The following TBC1D32 variants were observed in gnomAD, a reference collection of about 807,000 sequenced individuals.
TBC1D32 encodes protein broad-minded.
Under a neutral mutation model 170.3 loss-of-function variants are expected in TBC1D32, and 151 were observed. The ratio of observed to expected loss-of-function variants is 0.89; its 90% CI spans 0.78 to 1.01. The LOEUF is 1.01. Among genes scored for constraint, TBC1D32 ranks in the 50% least tolerant of loss-of-function variants. The pLI, the probability that TBC1D32 is intolerant of heterozygous loss-of-function variation, is 0.00. For synonymous variants in TBC1D32, 498 were observed against 488.0 expected, an observed-to-expected ratio of 1.02 and a Z score of -0.27; for missense variants, 1,464 against 1,457.1, an observed-to-expected ratio of 1.00 and a Z score of -0.08.
At chr6:121,238,207 A>G (rs1409086155) in intron 20 of TBC1D32, among the ~76,000 whole-genome samples, 1 of 152,120 alleles carries the variant, frequency 6.6e-6, no homozygotes, top group Non-Finnish European at 1.5e-5. Context: ...TGGTGCTTCA[A>G]GCATTTTAGA....
intron 24 of TBC1D32, among the ~76,000 whole-genome samples, chr6:121,153,229 A>C (rs1262662977): frequency 6.6e-6 from 1 of 151,952 alleles, no homozygotes; most frequent in Non-Finnish European, 1.5e-5. Flanking sequence ...TCTGTTTGTT[A>C]GTTTTCCTTC....
At chr6:121,155,499 T>C (rs570173075) in intron 24 of TBC1D32, among the ~76,000 whole-genome samples, 1 of 152,270 alleles carries the variant, frequency 6.6e-6, no homozygotes, top group South Asian at 2.1e-4. Flanking sequence ...TTTCTTTCTC[T>C]TGCCTAATTG....
At chr6:121,094,759 T>C (rs1299272746) in intron 30 of TBC1D32, among the ~76,000 whole-genome samples, 2 of 152,148 alleles carry the variant, frequency 1.3e-5, no homozygotes, top group Non-Finnish European at 2.9e-5. Context: ...TATTCCATTG[T>C]AGATAAACCA....
intron 22 of TBC1D32, among the ~76,000 whole-genome samples, chr6:121,203,315 G>A (rs1415102969): frequency 1.3e-5 from 2 of 151,296 alleles, no homozygotes; most frequent in African/African-American, 2.5e-5. Context: ...CTACATTTGT[G>A]TAAGAAAAAC....
Position 121,080,563 on chromosome 6 carries a change from T to C in TBC1D32, c.*208A>G, listed in dbSNP as rs966320206. ...AGAACTAAAAGTAAGCTAGATCTGATTCTATAATAACCTTACAAAACAACA... is the reference window on the plus strand; with the variant it reads ...AGAACTAAAAGTAAGCTAGATCTGACTCTATAATAACCTTACAAAACAACA... On this transcript the variant is annotated 3_prime_UTR_variant, in exon 32 of 32. Coordinates refer to ENST00000398212, the MANE Select transcript of TBC1D32 (RefSeq NM_152730.6). 3.5e-6 allele frequency: 2 copies of C among 577,264 alleles called. No individual in the cohort carries two copies. Among genetic ancestry groups the C allele is most frequent in the Non-Finnish European group, 5.5e-6 (2 of 364,832 alleles). The allele number at this position is 577,264 out of a possible 1,614,324, so 35.8% of individuals were successfully genotyped here.
chr6:121,145,120 C>G (rs900596678), intron 24 of TBC1D32, among the ~76,000 whole-genome samples: 2 of 152,014 alleles, frequency 1.3e-5, no homozygotes, highest in Admixed American at 6.6e-5. Flanking sequence ...TCAAGGAATT[C>G]TGAAGTAAAA....
At chr6:121,126,188 TCA>T (rs762542093) in intron 26 of TBC1D32, among the ~76,000 whole-genome samples, 188 bp downstream of exon 26, 4 of 151,982 alleles carry the variant, frequency 2.6e-5, no homozygotes, top group Admixed American at 6.6e-5. Context: ...CAAGAAAGAA[TCA>T]CAGAGTTACA....
At chr6:121,262,106 C>T (rs1249573984) in intron 15 of TBC1D32, among the ~76,000 whole-genome samples, 1 of 152,126 alleles carries the variant, frequency 6.6e-6, no homozygotes, top group Non-Finnish European at 1.5e-5. Flanking sequence ...TGTACAAAAC[C>T]TACAAGAATT....
chr6:121,205,093 G>T lies in TBC1D32; in HGVS notation c.2552C>A (p.Ser851Ter). The T allele has an allele frequency of 6.6e-7, 1 of 1,519,462 alleles. No homozygotes were observed. Among genetic ancestry groups the T allele is most frequent in the South Asian group, 1.2e-5 (1 of 80,654 alleles). The allele number at this position is 1,519,462 out of a possible 1,614,324, so 94.1% of individuals were successfully genotyped here. The change falls in exon 22 of 32, where the codon TCA (serine) becomes TAA (stop). Residue 851 changes from serine (S) to a stop codon, truncating the protein, a stop_gained. Transcript: ENST00000398212. LOFTEE classifies it high-confidence loss of function. ...KIRSLFNYEQ[S>*]HIFGLRDFII... is the part of the protein sequence containing the mutation. ...ATTTTACCTTAGACCAAAGATATGTGATTGTTCATAGTTGAATAAAGAACG... is the reference window on the plus strand; with the variant it reads ...ATTTTACCTTAGACCAAAGATATGTTATTGTTCATAGTTGAATAAAGAACG...
Position 121,080,905 on chromosome 6 carries a change from A to G in TBC1D32, c.3655-15T>C. The G allele has an allele frequency of 6.2e-7, 1 of 1,604,724 alleles. No homozygotes were observed. The highest frequency in any genetic ancestry group is 8.5e-7 in the Non-Finnish European group (1 of 1,177,382). ...AGTGCTTCTTCCTGCCAAAAATTAC[A>G]AAGGGAAAATTATTTACTTGAGTAA... On this transcript the variant is annotated splice_polypyrimidine_tract_variant and intron_variant, in intron 31 of 31. Transcript: ENST00000398212.
At chr6:121,160,168 A>T (rs1249682084) in intron 23 of TBC1D32, 65 bp from the exon 24 acceptor site, 1 of 1,064,100 alleles carries the variant, frequency 9.4e-7, no homozygotes, top group African/African-American at 1.6e-5. Flanking sequence ...TTTTAAAGCT[A>T]TCTGAAATAT....
intron 14 of TBC1D32, among the ~76,000 whole-genome samples, chr6:121,280,460 T>C (rs1345340366): frequency 6.6e-6 from 1 of 151,780 alleles, no homozygotes; most frequent in African/African-American, 2.4e-5. Context: ...AGAGGGCTAC[T>C]GTCAAGAATA....
chr6:121,230,656 T>TATAC (rs386408444), intron 20 of TBC1D32, among the ~76,000 whole-genome samples: 9 of 151,176 alleles, frequency 6.0e-5, no homozygotes, highest in African/African-American at 2.2e-4. Context: ...TATATATATA[T>TATAC]ACATATATAC....
At chr6:121,172,120 A>G (rs151242824) in intron 22 of TBC1D32, among the ~76,000 whole-genome samples, 2 of 152,092 alleles carry the variant, frequency 1.3e-5, no homozygotes, top group Non-Finnish European at 2.9e-5. Flanking sequence ...TTCTCTCTTG[A>G]ATGCCACCAC....
At chr6:121,181,056 T>C (rs1788441342) in intron 22 of TBC1D32, among the ~76,000 whole-genome samples, 2 of 151,994 alleles carry the variant, frequency 1.3e-5, no homozygotes, top group African/African-American at 4.8e-5. Context: ...TTCACTTCAG[T>C]TGGAATGGCT....
Position 121,242,693 on chromosome 6 carries a change from T to A in TBC1D32, c.2019-354A>T, listed in dbSNP as rs537626747. 5.3e-5 allele frequency among the ~76,000 whole-genome samples: 8 copies of A among 152,226 alleles called. 1 individual carries two copies. The highest frequency in any genetic ancestry group is 1.9e-4 in the African/African-American group (8 of 41,574). ...GAATTCTCCAAACCTCAACACCCCA[T>A]TATTTCTGTACTTTCTTTTCATTAT... On this transcript the variant is annotated intron_variant, in intron 17 of 31. Transcript: ENST00000398212.
At chr6:121,188,613 T>C (rs1021303684) in intron 22 of TBC1D32, among the ~76,000 whole-genome samples, 2 of 152,044 alleles carry the variant, frequency 1.3e-5, no homozygotes, top group Non-Finnish European at 2.9e-5. Flanking sequence ...AACCTGGAGA[T>C]GAATCCTCCC....
intron 22 of TBC1D32, among the ~76,000 whole-genome samples, chr6:121,195,214 G>C (rs899522689): frequency 1.1e-4 from 16 of 152,320 alleles, no homozygotes; most frequent in African/African-American, 3.6e-4. Flanking sequence ...CCAGGCTGCT[G>C]TGCAAGCTGC....
chr6:121,237,997 G>A lies in TBC1D32; in HGVS notation c.2364+1073C>T, dbSNP rs139584586. Reference sequence around the variant, plus strand: ...AAAAATAAATTTAGCAGTTACATTGGCCAGATTCAAACTGAACTCTCTAAC... The same window carrying A: ...AAAAATAAATTTAGCAGTTACATTGACCAGATTCAAACTGAACTCTCTAAC... On this transcript the variant is annotated intron_variant, in intron 20 of 31. Coordinates refer to ENST00000398212, the MANE Select transcript of TBC1D32 (RefSeq NM_152730.6). 9.1e-4 allele frequency among the ~76,000 whole-genome samples: 138 copies of A among 152,120 alleles called. 1 individual carries two copies. Among genetic ancestry groups the A allele is most frequent in the African/African-American group, 3.0e-3 (125 of 41,542 alleles).
Sources: gnomAD v4.1 joint callset for allele counts (sites outside exome capture counted in the v4.1 genomes callset) on GRCh38, gnomAD v4.1.1 for gene constraint, MANE v1.5 for transcripts, NCBI Gene and HGNC (gene_info 2026-07-23, HGNC 2026-07-21) for gene names.